Variants in THSD4 observed in about 807,000 individuals in gnomAD.
THSD4 encodes the protein thrombospondin type 1 domain containing 4.
Under a neutral mutation model 119.0 loss-of-function variants are expected in THSD4, and 69 were observed. That is an observed-to-expected ratio of 0.58 (90% CI 0.48 to 0.71). The LOEUF is 0.71. Ranked by LOEUF, THSD4 falls within the 30% of genes least tolerant of loss-of-function variation. THSD4 has a pLI of 0.00. For missense variants in THSD4, 1,393 were observed against 1,391.1 expected (o/e 1.00, Z -0.02); for synonymous variants, 524 against 540.4 (o/e 0.97, Z 0.42).
At chr15:71,340,936 A>C (rs974637894) in intron 6 of THSD4, among the ~76,000 whole-genome samples, 1 of 151,962 alleles carries the variant, frequency 6.6e-6, no homozygotes. Flanking sequence ...CTGGGAGTTC[A>C]CTTATGAAAA....
chr15:71,438,676 T>G (rs1465093825), intron 7 of THSD4, among the ~76,000 whole-genome samples: 1 of 148,606 alleles, frequency 6.7e-6, no homozygotes, highest in Admixed American at 6.6e-5. Flanking sequence ...CTTGTGTATA[T>G]TTTTGGCTTT....
At chr15:71,275,464 G>C (rs1239134420) in intron 6 of THSD4, among the ~76,000 whole-genome samples, 1 of 152,154 alleles carries the variant, frequency 6.6e-6, no homozygotes, top group Non-Finnish European at 1.5e-5. Context: ...ACCTTGCATG[G>C]ACCTTGAGAT....
chr15:71,212,031 G>A (rs1448310042), intron 3 of THSD4, among the ~76,000 whole-genome samples: 1 of 152,162 alleles, frequency 6.6e-6, no homozygotes, highest in Non-Finnish European at 1.5e-5. Context: ...ACAGAAGAAG[G>A]GGAGAGGGTT....
intron 9 of THSD4, chr15:71,729,870 G>T (rs2052940032): frequency 6.6e-6 from 1 of 151,908 alleles, no homozygotes. Context: ...AGGGGATGAG[G>T]GATACACAGC....
rs144260454 is a variant in THSD4, at chr15:71,317,229, C to T, written c.1015+60514C>T. ...GTAGCCATAAAAGGAAAAAGGTTGT[C>T]GTCTTCTGTGAACCCATTTCTGTGT... On this transcript the variant is annotated intron_variant, in intron 6 of 17. Coordinates refer to ENST00000261862, the MANE Select transcript of THSD4 (RefSeq NM_024817.3). Among the ~76,000 whole-genome samples, 119 of 152,260 alleles carry T rather than the reference C, an allele frequency of 7.8e-4. 1 individual carries two copies. The highest frequency in any genetic ancestry group is 2.7e-3 in the African/African-American group (111 of 41,556).
At chr15:71,629,518 T>C (rs2050577939) in intron 7 of THSD4, among the ~76,000 whole-genome samples, 1 of 152,186 alleles carries the variant, frequency 6.6e-6, no homozygotes, top group African/African-American at 2.4e-5. Flanking sequence ...CCGCCCTAAC[T>C]ATCCCAGCTA....
chr15:71,612,536 C>T (rs1341943929), intron 7 of THSD4, among the ~76,000 whole-genome samples: 1 of 152,188 alleles, frequency 6.6e-6, no homozygotes, highest in Admixed American at 6.5e-5. Flanking sequence ...AGGCTGTTTT[C>T]TGGGCTGACA....
chr15:71,656,561 T>C (rs576492262), intron 7 of THSD4, among the ~76,000 whole-genome samples: 2 of 152,296 alleles, frequency 1.3e-5, no homozygotes, highest in Admixed American at 6.5e-5. Flanking sequence ...CTCTCCAGGC[T>C]TCATGGTAAC....
chr15:71,726,778 A>G (rs544768113), intron 8 of THSD4, among the ~76,000 whole-genome samples: 1 of 152,120 alleles, frequency 6.6e-6, no homozygotes, highest in Non-Finnish European at 1.5e-5. Flanking sequence ...TCTCTACTAA[A>G]ATACAAAAAT....
chr15:71,404,672 C>A (rs1238619595), intron 6 of THSD4, among the ~76,000 whole-genome samples: 4 of 152,048 alleles, frequency 2.6e-5, no homozygotes, highest in African/African-American at 4.8e-5. Flanking sequence ...GGGATTAGTA[C>A]CCTCATGAAA....
intron 7 of THSD4, among the ~76,000 whole-genome samples, chr15:71,553,909 A>G (rs1010000151): frequency 6.6e-5 from 10 of 151,992 alleles, no homozygotes; most frequent in African/African-American, 2.2e-4. Flanking sequence ...TTGCTACTGT[A>G]TTTGATTTAT....
intron 6 of THSD4, among the ~76,000 whole-genome samples, chr15:71,409,106 G>A (rs1173470919): frequency 6.6e-6 from 1 of 151,622 alleles, no homozygotes; most frequent in Non-Finnish European, 1.5e-5. Context: ...CCTTTCTTGT[G>A]GCCATTCGGA....
intron 5 of THSD4, among the ~76,000 whole-genome samples, chr15:71,249,339 CTT>C (rs1206746859): frequency 3.3e-5 from 5 of 151,002 alleles, no homozygotes; most frequent in Middle Eastern, 3.6e-3. Context: ...TATACACACA[CTT>C]TTATATACAC....
At chr15:71,239,165 T>C (rs2044131254) in intron 4 of THSD4, among the ~76,000 whole-genome samples, 1 of 152,264 alleles carries the variant, frequency 6.6e-6, no homozygotes, top group African/African-American at 2.4e-5. Context: ...ATTTAATCTT[T>C]GTAACTATCT....
intron 1 of THSD4, among the ~76,000 whole-genome samples, chr15:71,137,973 C>G (rs1411069253): frequency 6.6e-6 from 1 of 152,194 alleles, no homozygotes; most frequent in African/African-American, 2.4e-5. Context: ...CTTATCAGAT[C>G]TGTTCAGGCA....
At chr15:71,268,443 A>G (rs1427094640) in intron 6 of THSD4, among the ~76,000 whole-genome samples, 3 of 152,236 alleles carry the variant, frequency 2.0e-5, no homozygotes, top group Admixed American at 6.5e-5. Context: ...AATCTCTAGG[A>G]CACAGCTAAA....
chr15:71,713,749 A>C (rs1239243924), intron 8 of THSD4, among the ~76,000 whole-genome samples: 1 of 152,184 alleles, frequency 6.6e-6, no homozygotes, highest in Non-Finnish European at 1.5e-5. Context: ...ACCAAGTTAC[A>C]GGGGTCATTT....
At chr15:71,278,302 C>T (rs1007822538) in intron 6 of THSD4, among the ~76,000 whole-genome samples, 1 of 152,050 alleles carries the variant, frequency 6.6e-6, no homozygotes, top group African/African-American at 2.4e-5. Flanking sequence ...GGTCAGTGAT[C>T]CTCACACCTC....
At chr15:71,396,678 G>A (rs1566968693) in intron 6 of THSD4, among the ~76,000 whole-genome samples, 3 of 152,192 alleles carry the variant, frequency 2.0e-5, no homozygotes, top group East Asian at 1.9e-4. Flanking sequence ...CTGTCAAGCC[G>A]CTTTCTTGAC....
Sources: allele counts gnomAD v4.1 joint callset (sites outside exome capture counted in the v4.1 genomes callset), GRCh38; gene constraint gnomAD v4.1.1; transcripts MANE v1.5; gene names NCBI Gene and HGNC (gene_info 2026-07-23, HGNC 2026-07-21).